The following PATJ variants were observed in gnomAD, a reference collection of about 807,000 sequenced individuals.
PATJ encodes the protein inaD-like protein.
In PATJ, 190 loss-of-function variants were observed where a neutral mutation model predicts 224.9. That is an observed-to-expected ratio of 0.84 (90% CI 0.75 to 0.95). The LOEUF is 0.95. Ranked by LOEUF, PATJ falls within the 40% of genes least tolerant of loss-of-function variation. The pLI is 0.00. For synonymous variants in PATJ, 769 were observed against 820.3 expected (o/e 0.94, Z 1.07); for missense variants, 2,121 against 2,270.3 (o/e 0.93, Z 1.34).
intron 29 of PATJ, among the ~76,000 whole-genome samples, chr1:62,030,383 G>T (rs1466675481): frequency 6.6e-6 from 1 of 152,042 alleles, no homozygotes; most frequent in Non-Finnish European, 1.5e-5. Flanking sequence ...AGAAACCAGG[G>T]TTTTAAGTTG....
chr1:61,936,195 A>G (rs879423166), intron 27 of PATJ, among the ~76,000 whole-genome samples: 30 of 151,620 alleles, frequency 2.0e-4, no homozygotes, highest in Admixed American at 9.2e-4. Flanking sequence ...ACTCCACTTC[A>G]TATTTATTTA....
intron 28 of PATJ, among the ~76,000 whole-genome samples, chr1:62,016,087 G>A (rs1484579733): frequency 2.6e-5 from 4 of 152,140 alleles, no homozygotes; most frequent in Non-Finnish European, 4.4e-5. Flanking sequence ...CACTGTGCCC[G>A]GTGAGATTGA....
At chr1:61,791,936 C>G (rs140312510) in intron 9 of PATJ, among the ~76,000 whole-genome samples, 2 of 152,232 alleles carry the variant, frequency 1.3e-5, no homozygotes, top group Non-Finnish European at 2.9e-5. Context: ...GTATCCCTGA[C>G]TAAAACTCTC....
chr1:61,792,991 G>A (rs948546757), intron 9 of PATJ, among the ~76,000 whole-genome samples: 2 of 151,864 alleles, frequency 1.3e-5, no homozygotes, highest in African/African-American at 4.8e-5. Flanking sequence ...TTCTGGAGAG[G>A]GTAGAAAAAT....
chr1:61,901,848 AC>A (rs1388522951), intron 24 of PATJ, among the ~76,000 whole-genome samples: 1 of 152,130 alleles, frequency 6.6e-6, no homozygotes, highest in Non-Finnish European at 1.5e-5. Flanking sequence ...AAAGAAGTTG[AC>A]CCTGGAAGGT....
intron 29 of PATJ, among the ~76,000 whole-genome samples, chr1:62,024,692 A>G (rs1647480725): frequency 8.9e-6 from 1 of 112,444 alleles, no homozygotes; most frequent in Non-Finnish European, 2.1e-5. Context: ...ACACACACAC[A>G]CACACACACA....
At chr1:61,962,693 C>T (rs1681483435) in intron 27 of PATJ, among the ~76,000 whole-genome samples, 1 of 152,170 alleles carries the variant, frequency 6.6e-6, no homozygotes, top group Admixed American at 6.5e-5. Context: ...AGTGAAGACA[C>T]CCCAAAATAA....
At chr1:62,120,715 G>A (rs1664941440) in intron 37 of PATJ, among the ~76,000 whole-genome samples, 2 of 152,090 alleles carry the variant, frequency 1.3e-5, no homozygotes, top group Non-Finnish European at 2.9e-5. Context: ...CCACAATTGA[G>A]GGTTCTATTT....
At chr1:61,889,447 AG>A (rs1295968838) in intron 22 of PATJ, among the ~76,000 whole-genome samples, 2 of 152,090 alleles carry the variant, frequency 1.3e-5, no homozygotes, top group African/African-American at 4.8e-5. Context: ...CTTATCTTCA[AG>A]GGATATGTTC....
At chr1:61,905,680 C>T (rs934286833) in intron 24 of PATJ, among the ~76,000 whole-genome samples, 1 of 152,166 alleles carries the variant, frequency 6.6e-6, no homozygotes, top group Admixed American at 6.5e-5. Context: ...CAAACTCTTT[C>T]CAGAGTGGCT....
At chr1:61,797,645 A>G (rs913247595) in intron 11 of PATJ, among the ~76,000 whole-genome samples, 1 of 152,240 alleles carries the variant, frequency 6.6e-6, no homozygotes, top group Non-Finnish European at 1.5e-5. Context: ...GACATGCACT[A>G]AGCTCTGAGA....
At chr1:62,078,556 G>C (rs1277090018) in intron 31 of PATJ, among the ~76,000 whole-genome samples, 1 of 152,034 alleles carries the variant, frequency 6.6e-6, no homozygotes, top group Non-Finnish European at 1.5e-5. Context: ...AAAGTGCTGG[G>C]TTTACAGGCG....
intron 24 of PATJ, among the ~76,000 whole-genome samples, chr1:61,902,053 T>C (rs1033891217): frequency 2.0e-5 from 3 of 152,000 alleles, no homozygotes; most frequent in African/African-American, 7.3e-5. Flanking sequence ...TGAAACCCCA[T>C]CTACTAAAAA....
intron 21 of PATJ, among the ~76,000 whole-genome samples, chr1:61,878,879 G>A (rs1227095681): frequency 6.6e-6 from 1 of 151,922 alleles, no homozygotes; most frequent in Non-Finnish European, 1.5e-5. Flanking sequence ...CTCCTCCCAG[G>A]TTCAAGTGAT....
chr1:61,949,465 A>C (rs930145001), intron 27 of PATJ, among the ~76,000 whole-genome samples: 2 of 152,236 alleles, frequency 1.3e-5, no homozygotes, highest in African/African-American at 4.8e-5. Flanking sequence ...TGAATTTTAT[A>C]GTGTGCAAAT....
chr1:62,084,474 G>A (rs554037095), intron 32 of PATJ, 41 bp from the exon 33 acceptor site: 1 of 1,585,298 alleles, frequency 6.3e-7, no homozygotes, highest in East Asian at 2.3e-5. Flanking sequence ...CTGAGCTGCA[G>A]CTCTTACATG....
intron 23 of PATJ, among the ~76,000 whole-genome samples, chr1:61,900,868 C>T (rs956558057): frequency 1.3e-5 from 2 of 152,104 alleles, no homozygotes; most frequent in Non-Finnish European, 2.9e-5. Flanking sequence ...GGATTACAGG[C>T]GTGAGCCACC....
chr1:61,946,970 A>G (rs892933664), intron 27 of PATJ, among the ~76,000 whole-genome samples: 1 of 152,248 alleles, frequency 6.6e-6, no homozygotes, highest in African/African-American at 2.4e-5. Flanking sequence ...CAAAAACCAC[A>G]TGATTATCTC....
chr1:62,106,067 T>A lies in PATJ; in HGVS notation c.4378-2370T>A, dbSNP rs865888246. Among the ~76,000 whole-genome samples, 188 of 19,820 alleles carry A rather than the reference T, an allele frequency of 9.5e-3. 4 individuals are homozygous for A. The highest frequency in any genetic ancestry group is 0.016 in the African/African-American group (99 of 6,142). 13.0% of individuals were successfully genotyped at this position (19,820 alleles called of 152,430 possible). ...TCTTAAAAAAAAAAAAAAAAAAATA[T>A]ATATATATATATACACACACACACA... On this transcript the variant is annotated intron_variant, in intron 33 of 43. Coordinates refer to ENST00000642238, the MANE Select transcript of PATJ (RefSeq NM_001350145.3).
Sources: allele counts gnomAD v4.1 joint callset (sites outside exome capture counted in the v4.1 genomes callset), GRCh38; gene constraint gnomAD v4.1.1; transcripts MANE v1.5; gene names NCBI Gene and HGNC (gene_info 2026-07-23, HGNC 2026-07-21).